Variants in RASGRP3 observed in about 807,000 individuals in gnomAD.
The protein encoded by RASGRP3 is ras guanyl-releasing protein 3.
Under a neutral mutation model 82.7 loss-of-function variants are expected in RASGRP3, and 54 were observed. That is an observed-to-expected ratio of 0.65 (90% CI 0.52 to 0.82). The LOEUF (loss-of-function observed/expected upper bound fraction) is 0.82, where lower values mean the gene tolerates loss of function less well. Among genes scored for constraint, RASGRP3 ranks in the 40% least tolerant of loss-of-function variants. The pLI is 0.00. For synonymous variants in RASGRP3, 309 were observed against 300.5 expected (o/e 1.03, Z -0.29); for missense variants, 861 against 828.9 (o/e 1.04, Z -0.48).
At chr2:33,534,694 ATTTTTTT>A (rs71910431) in intron 11 of RASGRP3, among the ~76,000 whole-genome samples, 38 of 122,208 alleles carry the variant, frequency 3.1e-4, no homozygotes, top group Middle Eastern at 4.3e-3. Context: ...ACACCCAGCA[ATTTTTTT>A]TTTTTTTTTT....
upstream of RASGRP3, among the ~76,000 whole-genome samples, chr2:33,471,752 G>GT (rs914791525): frequency 3.3e-5 from 5 of 151,998 alleles, no homozygotes; most frequent in African/African-American, 1.2e-4. Flanking sequence ...CTGATCTGTT[G>GT]TTTTTTGACT....
At chr2:33,558,590 A>G (rs1448046690) in intron 16 of RASGRP3, 82 bp from the exon 17 acceptor site, 2 of 1,276,112 alleles carry the variant, frequency 1.6e-6, no homozygotes, top group Non-Finnish European at 1.1e-6. Flanking sequence ...TGCATGCCAG[A>G]CTCGTGCTGT....
chr2:33,524,132 G>A (rs993495149), intron 8 of RASGRP3, 80 bp downstream of exon 8: 1 of 1,498,234 alleles, frequency 6.7e-7, no homozygotes, highest in East Asian at 2.3e-5. Context: ...AGGAAATGTG[G>A]CGTTCACAGT....
chr2:33,467,940 TG>T (rs1666795759), intron 2 of RASGRP3, among the ~76,000 whole-genome samples: 1 of 152,012 alleles, frequency 6.6e-6, no homozygotes, highest in Admixed American at 6.6e-5. Context: ...AAGCAAGACT[TG>T]GGAAAAAGTG....
intron 2 of RASGRP3, among the ~76,000 whole-genome samples, chr2:33,457,158 G>A (rs189157775): frequency 6.6e-6 from 1 of 152,054 alleles, no homozygotes; most frequent in Non-Finnish European, 1.5e-5. Context: ...GGTGCGAGCC[G>A]CCATGCCGGA....
Position 33,562,907 on chromosome 2 carries a change from ACCCT to A in RASGRP3, c.*171_*174del. 1 of 658,160 alleles carries A rather than the reference ACCCT, an allele frequency of 1.5e-6. No homozygotes were observed. 40.8% of individuals were successfully genotyped at this position (658,160 alleles called of 1,614,324 possible). ...GTTTGGACTATGGGACAGAGAATTG[ACCCT>A]AACTAACTAACTATGAACTATTTAT... On this transcript the variant is annotated 3_prime_UTR_variant, in exon 18 of 18. Coordinates refer to ENST00000403687, the MANE Select transcript of RASGRP3 (RefSeq NM_001139488.2).
intron 2 of RASGRP3, among the ~76,000 whole-genome samples, chr2:33,460,661 C>G (rs1666310740): frequency 6.6e-6 from 1 of 151,924 alleles, no homozygotes; most frequent in Admixed American, 6.6e-5. Context: ...ACTACAGGCA[C>G]AAGCCGCCAT....
intron 2 of RASGRP3, among the ~76,000 whole-genome samples, chr2:33,454,834 A>G (rs1665958594): frequency 6.6e-6 from 1 of 152,206 alleles, no homozygotes; most frequent in Non-Finnish European, 1.5e-5. Context: ...TATACCTTGT[A>G]TATTTGCCAC....
At chr2:33,543,701 A>G (rs1674480847) in intron 13 of RASGRP3, 74 bp downstream of exon 13, 3 of 1,077,624 alleles carry the variant, frequency 2.8e-6, no homozygotes, top group Non-Finnish European at 4.0e-6. Flanking sequence ...AGAGAAGGGA[A>G]ACTTGTAATT....
chr2:33,506,861 C>G (rs1670426711), intron 1 of RASGRP3, among the ~76,000 whole-genome samples: 1 of 152,176 alleles, frequency 6.6e-6, no homozygotes, highest in African/African-American at 2.4e-5. Context: ...AATGAATGAA[C>G]TTTGCCATAA....
At chr2:33,526,483 A>G (rs1672581526) in intron 9 of RASGRP3, among the ~76,000 whole-genome samples, 1 of 152,248 alleles carries the variant, frequency 6.6e-6, no homozygotes, top group South Asian at 2.1e-4. Context: ...TTAGCTTTGT[A>G]CCAGATCTCA....
intron 1 of RASGRP3, among the ~76,000 whole-genome samples, chr2:33,498,575 G>T (rs777214777): frequency 2.0e-5 from 3 of 152,132 alleles, no homozygotes; most frequent in Non-Finnish European, 2.9e-5. Flanking sequence ...TTGAGTGAAA[G>T]AATGAACAAA....
chr2:33,443,994 A>T (rs1665370311), intron 1 of RASGRP3, among the ~76,000 whole-genome samples: 1 of 152,158 alleles, frequency 6.6e-6, no homozygotes, highest in Non-Finnish European at 1.5e-5. Context: ...AAACAGATAA[A>T]ATGAATTTTA....
At chr2:33,562,459 C>T (rs987179703) in intron 17 of RASGRP3, among the ~76,000 whole-genome samples, 4 of 151,360 alleles carry the variant, frequency 2.6e-5, no homozygotes, top group Non-Finnish European at 4.4e-5. Context: ...TTTGTAGAGA[C>T]GGGGTCTTGC....
chr2:33,472,437 G>C (rs1667111287), upstream of RASGRP3, among the ~76,000 whole-genome samples: 1 of 152,212 alleles, frequency 6.6e-6, no homozygotes, highest in Non-Finnish European at 1.5e-5. Flanking sequence ...ATCAGAGACA[G>C]GCTTTTTGGA....
At chr2:33,462,052 C>G (rs190877233) in intron 2 of RASGRP3, among the ~76,000 whole-genome samples, 1 of 152,224 alleles carries the variant, frequency 6.6e-6, no homozygotes, top group Non-Finnish European at 1.5e-5. Flanking sequence ...TTAACTGGAA[C>G]ATTGACATTG....
intron 1 of RASGRP3, among the ~76,000 whole-genome samples, chr2:33,501,613 A>G (rs1669885226): frequency 6.6e-6 from 1 of 152,238 alleles, no homozygotes; most frequent in Non-Finnish European, 1.5e-5. Flanking sequence ...TGCAATCCCA[A>G]GTCCACCTGT....
intron 1 of RASGRP3, among the ~76,000 whole-genome samples, chr2:33,486,735 A>G (rs555059103): frequency 1.3e-5 from 2 of 152,198 alleles, no homozygotes; most frequent in African/African-American, 2.4e-5. Flanking sequence ...TAAGCTGGGT[A>G]TAAAAGGATA....
At chr2:33,488,927 C>G (rs1364736923) in intron 1 of RASGRP3, among the ~76,000 whole-genome samples, 5 of 151,706 alleles carry the variant, frequency 3.3e-5, no homozygotes, top group Admixed American at 3.3e-4. Flanking sequence ...CATTCTGATA[C>G]TAGAAAAGAT....
Sources: gnomAD v4.1 joint callset for allele counts (sites outside exome capture counted in the v4.1 genomes callset) on GRCh38, gnomAD v4.1.1 for gene constraint, MANE v1.5 for transcripts, NCBI Gene and HGNC (gene_info 2026-07-23, HGNC 2026-07-21) for gene names.